Variants in CNBD1 observed in about 807,000 individuals in gnomAD.
CNBD1 encodes cyclic nucleotide-binding domain-containing protein 1.
In CNBD1, 71 loss-of-function variants were observed where a neutral mutation model predicts 54.4. The observed-to-expected ratio is 1.30, with a 90% CI of 1.08 to 1.59. The LOEUF (loss-of-function observed/expected upper bound fraction) is 1.59, where lower values mean the gene tolerates loss of function less well. CNBD1 is among the 40% of genes most tolerant of loss of function. CNBD1 has a pLI of 0.00. For synonymous variants in CNBD1, 182 were observed against 170.7 expected, an observed-to-expected ratio of 1.07 and a Z score of -0.51; for missense variants, 659 against 518.0, an observed-to-expected ratio of 1.27 and a Z score of -2.64.
At chr8:87,129,670 G>A (rs2130724914) in intron 4 of CNBD1, among the ~76,000 whole-genome samples, 1 of 152,080 alleles carries the variant, frequency 6.6e-6, no homozygotes, top group East Asian at 1.9e-4. Flanking sequence ...TTTAATGTAA[G>A]CATTTAAAGA....
chr8:87,377,385 G>A (rs1364742317), intron 10 of CNBD1, among the ~76,000 whole-genome samples: 2 of 148,358 alleles, frequency 1.3e-5, no homozygotes, highest in Non-Finnish European at 3.0e-5. Context: ...TCCCACCTAT[G>A]AGTGAGAATA....
chr8:86,920,467 G>A (rs1809253492), intron 3 of CNBD1, among the ~76,000 whole-genome samples: 1 of 152,076 alleles, frequency 6.6e-6, no homozygotes, highest in Admixed American at 6.6e-5. Flanking sequence ...AGGCAGCTAT[G>A]GCCACCACTA....
rs1363690772 is a variant in CNBD1, at chr8:87,070,245, A to G, written c.431+130491A>G. 3.3e-5 allele frequency among the ~76,000 whole-genome samples: 5 copies of G among 151,952 alleles called. No individual in the cohort carries two copies. The East Asian group carries it at 9.6e-4, about 29-fold the overall frequency. On this transcript the variant is annotated intron_variant, in intron 4 of 10. Coordinates refer to ENST00000518476, the MANE Select transcript of CNBD1 (RefSeq NM_173538.3). ...TTCTGTCACCACCTCTTCCTTTTAT[A>G]ACTCTAGTCCTACCCCGCATATATC...
intron 8 of CNBD1, among the ~76,000 whole-genome samples, chr8:87,344,616 T>A (rs951043100): frequency 6.6e-6 from 1 of 152,070 alleles, no homozygotes; most frequent in African/African-American, 2.4e-5. Flanking sequence ...CCTGCCCCTG[T>A]GTAGACTACT....
In CNBD1 at chr8:87,213,351, A is replaced by G. The variant is rs574731510; in HGVS notation, c.577+7213A>G. ...ATTAGTCTGTTCTCACACTCCTAAT[A>G]AAGACATACCTGAGACTGGATAATT... is the stretch of plus-strand genomic sequence containing the variant. On this transcript the variant is annotated intron_variant, in intron 5 of 10. Transcript: ENST00000518476. Among the ~76,000 whole-genome samples the G allele has an allele frequency of 2.0e-5, 3 of 152,322 alleles. No individual in the cohort carries two copies. In the South Asian group the frequency reaches 6.2e-4, roughly 32 times the overall value.
At chr8:87,422,938 C>G (rs1228764009) in intron 2 of CNBD1, among the ~76,000 whole-genome samples, 1 of 151,918 alleles carries the variant, frequency 6.6e-6, no homozygotes, top group Non-Finnish European at 1.5e-5. Flanking sequence ...TTTGTATCCT[C>G]TTTTATTTCC....
chr8:87,111,750 G>A (rs1811667197), intron 4 of CNBD1, among the ~76,000 whole-genome samples: 1 of 152,108 alleles, frequency 6.6e-6, no homozygotes, highest in Non-Finnish European at 1.5e-5. Flanking sequence ...CATAGTCTAT[G>A]AGCATTTCCA....
chr8:87,419,999 T>C (rs901926663), intron 2 of CNBD1, among the ~76,000 whole-genome samples: 1 of 150,156 alleles, frequency 6.7e-6, no homozygotes, highest in Non-Finnish European at 1.5e-5. Flanking sequence ...TGTAAGTATA[T>C]TGAATCCAGA....
At chr8:87,269,091 A>C (rs1808315452) in intron 6 of CNBD1, among the ~76,000 whole-genome samples, 1 of 152,012 alleles carries the variant, frequency 6.6e-6, no homozygotes, top group African/African-American at 2.4e-5. Context: ...CCTTGAGTTA[A>C]TTTTTGTATA....
intron 4 of CNBD1, among the ~76,000 whole-genome samples, chr8:86,956,696 C>G (rs1021319195): frequency 6.6e-6 from 1 of 152,198 alleles, no homozygotes; most frequent in Non-Finnish European, 1.5e-5. Flanking sequence ...TGAGACTTTG[C>G]TGAAGTGACT....
At chr8:86,966,634 C>T (rs1268365821) in intron 4 of CNBD1, among the ~76,000 whole-genome samples, 3 of 151,984 alleles carry the variant, frequency 2.0e-5, no homozygotes, top group Non-Finnish European at 4.4e-5. Context: ...CAGACCTTTG[C>T]GGTGAGTGTT....
intron 8 of CNBD1, among the ~76,000 whole-genome samples, chr8:87,320,630 C>T (rs7824234): frequency 0.38 from 54,791 of 144,096 alleles, 10,565 homozygotes; most frequent in Middle Eastern, 0.45. Context: ...GGGGGGGCGG[C>T]TCAGGGTACA....
At chr8:86,953,585 G>A (rs1401453142) in intron 4 of CNBD1, among the ~76,000 whole-genome samples, 1 of 152,160 alleles carries the variant, frequency 6.6e-6, no homozygotes, top group Admixed American at 6.5e-5. Flanking sequence ...ATCCTATGCA[G>A]GCCGAGCACG....
At chr8:87,050,141 A>G (rs565731475) in intron 4 of CNBD1, among the ~76,000 whole-genome samples, 14 of 152,298 alleles carry the variant, frequency 9.2e-5, no homozygotes, top group African/African-American at 3.4e-4. Flanking sequence ...TTATAGGGTG[A>G]TACAAAGGGT....
At chr8:87,242,381 C>T (rs1807726359) in intron 6 of CNBD1, among the ~76,000 whole-genome samples, 2 of 152,106 alleles carry the variant, frequency 1.3e-5, no homozygotes, top group Non-Finnish European at 2.9e-5. Context: ...ATGTCTGAAG[C>T]CTGCTACCTG....
intron 5 of CNBD1, among the ~76,000 whole-genome samples, chr8:87,230,300 G>A (rs771745215): frequency 6.6e-5 from 10 of 152,060 alleles, no homozygotes; most frequent in Non-Finnish European, 1.2e-4. Flanking sequence ...AGGAGATTTG[G>A]GCAGCGACAC....
At chr8:87,297,680 A>AGATG (rs1477719858) in intron 8 of CNBD1, among the ~76,000 whole-genome samples, 1 of 150,674 alleles carries the variant, frequency 6.6e-6, no homozygotes, top group African/African-American at 2.4e-5. Flanking sequence ...ACACATTTAC[A>AGATG]GATGCATTTG....
intron 8 of CNBD1, among the ~76,000 whole-genome samples, chr8:87,292,807 G>A (rs1808811367): frequency 6.6e-6 from 1 of 152,168 alleles, no homozygotes; most frequent in Admixed American, 6.6e-5. Context: ...CCATGGTGAT[G>A]AGCATGGTGG....
chr8:87,065,252 G>T (rs1212307485), intron 4 of CNBD1, among the ~76,000 whole-genome samples: 1 of 151,872 alleles, frequency 6.6e-6, no homozygotes, highest in Non-Finnish European at 1.5e-5. Context: ...TTAAGAATTT[G>T]TTTCTATTGT....
Sources: allele counts gnomAD v4.1 joint callset (sites outside exome capture counted in the v4.1 genomes callset), GRCh38; gene constraint gnomAD v4.1.1; transcripts MANE v1.5; gene names NCBI Gene and HGNC (gene_info 2026-07-23, HGNC 2026-07-21).